SPAG16: variants seen among roughly 807,000 people sequenced by gnomAD.
SPAG16 encodes sperm associated antigen 16.
SPAG16 carries 86 observed loss-of-function variants against 80.4 expected under a neutral mutation model. That is an observed-to-expected ratio of 1.07 (90% CI 0.90 to 1.28). The LOEUF (loss-of-function observed/expected upper bound fraction) is 1.28, where lower values mean the gene tolerates loss of function less well. SPAG16 is among the 50% of genes most tolerant of loss of function. The probability of loss-of-function intolerance (pLI) is 0.00; values close to 1 mark genes in which losing one functional copy is unlikely to be tolerated. For synonymous variants in SPAG16, 294 were observed against 265.9 expected (o/e 1.11, Z -1.03); for missense variants, 870 against 765.3 (o/e 1.14, Z -1.61).
chr2:214,221,996 G>A (rs890549738), intron 15 of SPAG16, among the ~76,000 whole-genome samples: 2 of 150,246 alleles, frequency 1.3e-5, no homozygotes, highest in Non-Finnish European at 3.0e-5. Context: ...AAAAATATGT[G>A]TTTTTGCCTA....
intron 15 of SPAG16, among the ~76,000 whole-genome samples, chr2:214,367,628 T>C (rs756707411): frequency 6.6e-6 from 1 of 152,186 alleles, no homozygotes. Flanking sequence ...GAAACATAGA[T>C]AGACTACATA....
intron 10 of SPAG16, among the ~76,000 whole-genome samples, chr2:213,679,923 G>A (rs1349255737): frequency 6.6e-6 from 1 of 152,098 alleles, no homozygotes; most frequent in Admixed American, 6.6e-5. Context: ...TGGTGAGGGA[G>A]GGATTCTTGT....
At chr2:214,150,092 CA>C (rs1284194528) in intron 15 of SPAG16, among the ~76,000 whole-genome samples, 1 of 151,916 alleles carries the variant, frequency 6.6e-6, no homozygotes, top group Admixed American at 6.6e-5. Context: ...GTGGCGATAG[CA>C]AAAACTTGAT....
chr2:214,410,232 G>A lies in SPAG16; in HGVS notation c.1813G>A (p.Glu605Lys), dbSNP rs1053703977. 1 of 1,613,390 alleles carries A rather than the reference G, an allele frequency of 6.2e-7. No individual in the cohort carries two copies. The highest frequency in any genetic ancestry group is 1.3e-5 in the African/African-American group (1 of 74,906). Reference sequence around the variant, plus strand: ...TCACAAATTGATGGGCCACGAAAACGAGGCACACACGGTTGTGTTTTCTCA... The same window carrying A: ...TCACAAATTGATGGGCCACGAAAACAAGGCACACACGGTTGTGTTTTCTCA... ...EIHKLMGHEN[E>K]AHTVVFSHDG... The change falls in exon 16 of 16, where the codon GAG (glutamate) becomes AAG (lysine). Residue 605 changes from glutamate to lysine, a missense_variant. Glu to Lys is a moderately conservative substitution (Grantham distance 56, BLOSUM62 1). Coordinates refer to ENST00000331683, the MANE Select transcript of SPAG16 (RefSeq NM_024532.5).
At chr2:214,120,879 C>T (rs185923647) in intron 14 of SPAG16, among the ~76,000 whole-genome samples, 239 of 151,928 alleles carry the variant, frequency 1.6e-3, no homozygotes, top group African/African-American at 5.2e-3. Context: ...CCCAAAGTTA[C>T]CATTAGTCAT....
intron 12 of SPAG16, among the ~76,000 whole-genome samples, chr2:213,957,436 T>A (rs988791468): frequency 5.9e-5 from 9 of 151,654 alleles, no homozygotes; most frequent in African/African-American, 2.2e-4. Context: ...CCATCGTTGC[T>A]TTATTATTTG....
intron 14 of SPAG16, among the ~76,000 whole-genome samples, chr2:214,119,061 G>A (rs1170109480): frequency 1.3e-5 from 2 of 151,942 alleles, no homozygotes; most frequent in African/African-American, 2.4e-5. Flanking sequence ...ATGTACCCAT[G>A]TATCAAAATA....
chr2:213,339,360 G>C (rs13400851), intron 5 of SPAG16, among the ~76,000 whole-genome samples: 1 of 152,142 alleles, frequency 6.6e-6, no homozygotes, highest in Non-Finnish European at 1.5e-5. Context: ...AAATGTGACA[G>C]TGTCAATGCT....
intron 12 of SPAG16, among the ~76,000 whole-genome samples, chr2:213,972,934 AG>A (rs2106385463): frequency 6.6e-6 from 1 of 152,148 alleles, no homozygotes; most frequent in East Asian, 1.9e-4. Flanking sequence ...GTTTGTGTTC[AG>A]CTAGTGTTTT....
rs1413245839 is a variant in SPAG16, at chr2:213,920,442, C to T, written c.1215-9518C>T. Among the ~76,000 whole-genome samples the T allele has an allele frequency of 2.0e-5, 3 of 152,302 alleles. No homozygotes were observed. In the East Asian group the frequency reaches 5.8e-4, roughly 29 times the overall value. On this transcript the variant is annotated intron_variant, in intron 11 of 15. Transcript: ENST00000331683. Reference sequence around the variant, plus strand: ...CGTTGGCATGGGGGAAGGTAAAACCCACCCACGTACACACATGTTGGCAAT... The same window carrying T: ...CGTTGGCATGGGGGAAGGTAAAACCTACCCACGTACACACATGTTGGCAAT...
At chr2:213,986,891 C>CAAAAAAAAAAAAAAAAAAAAAAAAAAA (rs369965944) in intron 12 of SPAG16, among the ~76,000 whole-genome samples, 1 of 57,648 alleles carries the variant, frequency 1.7e-5, no homozygotes, top group African/African-American at 5.2e-5. Context: ...TCTGGTATAG[C>CAAAAAAAAAAAAAAAAAAAAAAAAAAA]AAAAAAAAAA....
intron 15 of SPAG16, among the ~76,000 whole-genome samples, chr2:214,218,530 T>A (rs979924575): frequency 2.0e-5 from 3 of 152,132 alleles, no homozygotes; most frequent in African/African-American, 7.2e-5. Context: ...GCCAGGAAGA[T>A]CAGAATTCTG....
At chr2:213,302,866 T>A (rs1021087459) in intron 3 of SPAG16, among the ~76,000 whole-genome samples, 11 of 152,090 alleles carry the variant, frequency 7.2e-5, no homozygotes, top group Non-Finnish European at 1.0e-4. Context: ...CCAGGTGTGT[T>A]GCAACCGTAC....
At chr2:213,334,790 G>A (rs2064270550) in intron 5 of SPAG16, among the ~76,000 whole-genome samples, 1 of 152,132 alleles carries the variant, frequency 6.6e-6, no homozygotes, top group African/African-American at 2.4e-5. Context: ...GTAGAAGGAT[G>A]GTTGCCAGAG....
At chr2:213,463,538 TA>T (rs2072503657) in intron 9 of SPAG16, among the ~76,000 whole-genome samples, 1 of 152,260 alleles carries the variant, frequency 6.6e-6, no homozygotes, top group Admixed American at 6.5e-5. Context: ...CAGCTGTGGC[TA>T]AAAGGGGCCT....
chr2:213,817,256 G>GATATATAT lies in SPAG16; in HGVS notation c.1071-45218_1071-45211dup, dbSNP rs549146369. On this transcript the variant is annotated intron_variant, in intron 10 of 15. Coordinates refer to ENST00000331683, the MANE Select transcript of SPAG16 (RefSeq NM_024532.5). ...CTTATATATATATACTTATATATATGATATATATATATATATATCACAGTC... is the reference window on the plus strand; with the variant it reads ...CTTATATATATATACTTATATATATGATATATATATATATATATATATATATCACAGTC... Among the ~76,000 whole-genome samples, 1,217 of 140,830 alleles carry GATATATAT rather than the reference G, an allele frequency of 8.6e-3. 19 individuals carry two copies. Among genetic ancestry groups the GATATATAT allele is most frequent in the African/African-American group, 0.03 (1,164 of 38,532 alleles). The allele number at this position is 140,830 out of a possible 152,430, so 92.4% of individuals were successfully genotyped here. A position where few individuals can be genotyped will look rare whatever the true frequency, so the allele number is the denominator to read the frequency against.
rs796315427 is a variant in SPAG16, at chr2:213,347,354, A to T, written c.645-3174A>T. 3.3e-5 allele frequency among the ~76,000 whole-genome samples: 5 copies of T among 151,868 alleles called. No individual in the cohort carries two copies. In the South Asian group the frequency reaches 8.3e-4, roughly 25 times the overall value. ...AAAATCAGCTCCTGGATTCATTGAT[A>T]TTTTGAAGGGTTTTTTGTGTCTCTA... is the stretch of plus-strand genomic sequence containing the variant. On this transcript the variant is annotated intron_variant, in intron 6 of 15. Coordinates refer to ENST00000331683, the MANE Select transcript of SPAG16 (RefSeq NM_024532.5).
chr2:214,195,069 AG>A (rs1168500562), intron 15 of SPAG16, among the ~76,000 whole-genome samples: 1 of 152,102 alleles, frequency 6.6e-6, no homozygotes, highest in African/African-American at 2.4e-5. Context: ...GAAAATAACC[AG>A]CAGAAGCTAC....
At chr2:213,345,829 TG>T (rs2064947883) in intron 6 of SPAG16, among the ~76,000 whole-genome samples, 1 of 152,234 alleles carries the variant, frequency 6.6e-6, no homozygotes, top group East Asian at 1.9e-4. Context: ...CTTCCAGCTT[TG>T]TTCTTTTTGC....
Sources: allele counts gnomAD v4.1 joint callset (sites outside exome capture counted in the v4.1 genomes callset), GRCh38; gene constraint gnomAD v4.1.1; transcripts MANE v1.5; gene names NCBI Gene and HGNC (gene_info 2026-07-23, HGNC 2026-07-21).